LONRF2: variants seen among roughly 807,000 people sequenced by gnomAD.
LONRF2 encodes LON peptidase N-terminal domain and ring finger 2.
Under a neutral mutation model 66.6 loss-of-function variants are expected in LONRF2, and 35 were observed. That is an observed-to-expected ratio of 0.53 (90% CI 0.40 to 0.70). The LOEUF (loss-of-function observed/expected upper bound fraction) is 0.70. Ranked by LOEUF, LONRF2 falls within the 30% of genes least tolerant of loss-of-function variation. The probability of loss-of-function intolerance (pLI) is 0.00; values close to 1 mark genes in which losing one functional copy is unlikely to be tolerated. For missense variants in LONRF2, 902 were observed against 1,002.1 expected, an observed-to-expected ratio of 0.90 and a Z score of 1.35; for synonymous variants, 417 against 418.1, an observed-to-expected ratio of 1.00 and a Z score of 0.03.
chr2:100,314,160 T>G (rs1183149357), intron 1 of LONRF2, among the ~76,000 whole-genome samples: 1 of 152,150 alleles, frequency 6.6e-6, no homozygotes, highest in African/African-American at 2.4e-5. Context: ...TGTACGAGTT[T>G]AGCTCTAGCA....
Position 100,309,105 on chromosome 2 carries a change from A to G in LONRF2, c.798+2T>C, listed in dbSNP as rs1374552610. ...ATCTCCAAAGCTAACAAATACAAAT[A>G]CCTTAATCAAGAGAGGTTCATTCTG... On this transcript the variant is annotated splice_donor_variant, in intron 2 of 11. Transcript: ENST00000393437. LOFTEE classifies it high-confidence loss of function. 6.5e-7 allele frequency: 1 copy of G among 1,546,236 alleles called. No homozygotes were observed. Among genetic ancestry groups the G allele is most frequent in the South Asian group, 1.2e-5 (1 of 83,148 alleles).
intron 9 of LONRF2, among the ~76,000 whole-genome samples, chr2:100,292,550 T>C (rs1050688149): frequency 2.0e-5 from 3 of 152,260 alleles, no homozygotes; most frequent in Admixed American, 2.0e-4. Context: ...CTGTGGTTTA[T>C]CTGTTTTTTC....
In LONRF2 at chr2:100,322,405, TAGGTA is replaced by T. The variant is rs1330603426; in HGVS notation, c.-317_-313del. On this transcript the variant is annotated 5_prime_UTR_variant, in exon 1 of 12. Coordinates refer to ENST00000393437, the MANE Select transcript of LONRF2 (RefSeq NM_198461.4). The stretch of plus-strand genomic sequence containing the variant: ...CAGCGGCCTCTCAGTCCCGCCGGCT[TAGGTA>T]ACCCAGGTCGCTGCGGTAACGCAGT... 1 of 237,490 alleles carries T rather than the reference TAGGTA, an allele frequency of 4.2e-6. No homozygotes were observed. The highest frequency in any genetic ancestry group is 8.5e-5 in the East Asian group (1 of 11,794). 14.7% of individuals were successfully genotyped at this position (237,490 alleles called of 1,614,324 possible).
chr2:100,290,497 C>A (rs1674938018), intron 9 of LONRF2, 77 bp from the exon 10 acceptor site: 1 of 1,439,068 alleles, frequency 6.9e-7, no homozygotes. Flanking sequence ...TGAGAGTTTA[C>A]TTTTAAAAGG....
In LONRF2 at chr2:100,283,188, C is replaced by T. The variant is rs1674775021; in HGVS notation, c.*1110G>A. ...TACTACTGTCCTTTAACAGATAACA[C>T]CTGGTCTGATCACCGTAAAACTTTC... On this transcript the variant is annotated 3_prime_UTR_variant, in exon 12 of 12. Coordinates refer to ENST00000393437, the MANE Select transcript of LONRF2 (RefSeq NM_198461.4). The T allele has an allele frequency of 6.6e-6, 1 of 152,112 alleles. No individual in the cohort carries two copies. The highest frequency in any genetic ancestry group is 1.5e-5 in the Non-Finnish European group (1 of 68,024). The allele number at this position is 152,112 out of a possible 1,614,324, so 9.4% of individuals were successfully genotyped here. A position where few individuals can be genotyped will look rare whatever the true frequency, so the allele number is the denominator to read the frequency against.
chr2:100,299,079 T>A, intron 6 of LONRF2, 129 bp from the exon 7 acceptor site: 1 of 866,260 alleles, frequency 1.2e-6, no homozygotes, highest in Non-Finnish European at 1.8e-6. Context: ...ACTTTCATTT[T>A]ATATCTTATT....
Position 100,321,586 on chromosome 2 carries a change from C to A in LONRF2, c.508G>T (p.Gly170Trp). Residue 170 changes from glycine (G) to tryptophan (W), a missense_variant, in exon 1 of 12, where the codon GGG becomes TGG. Physicochemically the swap from Gly to Trp is radical, Grantham distance 184 (BLOSUM62 -2). Coordinates refer to ENST00000393437, the MANE Select transcript of LONRF2 (RefSeq NM_198461.4). ...CGCCGCACCTGCGGCCGCGCGGGCC[C>A]TGGCTCCACGCAGCGCTTGCAGACT... ...LTVCKRCVEP[G>W]PARPQVRRVN... 1 of 1,529,074 alleles carries A rather than the reference C, an allele frequency of 6.5e-7. No individual in the cohort carries two copies. The highest frequency in any genetic ancestry group is 8.7e-7 in the Non-Finnish European group (1 of 1,150,458). The allele number at this position is 1,529,074 out of a possible 1,614,324, so 94.7% of individuals were successfully genotyped here. A position where few individuals can be genotyped will look rare whatever the true frequency, so the allele number is the denominator to read the frequency against.
At chr2:100,309,045 G>GCT in intron 2 of LONRF2, 62 bp downstream of exon 2, 1 of 1,144,442 alleles carries the variant, frequency 8.7e-7, no homozygotes, top group South Asian at 1.6e-5. Context: ...TCTTACTTTT[G>GCT]TTTTTAAGAA....
rs529054138 is a variant in LONRF2 at position 100,283,972 on chromosome 2, C to T, written c.*326G>A. The T allele has an allele frequency of 5.8e-5, 11 of 188,752 alleles. No individual in the cohort carries two copies. Among genetic ancestry groups the T allele is most frequent in the East Asian group, 2.5e-4 (2 of 8,012 alleles). The allele number at this position is 188,752 out of a possible 1,614,324, so 11.7% of individuals were successfully genotyped here. A position where few individuals can be genotyped will look rare whatever the true frequency, so the allele number is the denominator to read the frequency against. ...GACTGGGAAGTGAATCCTTCTTTCT[C>T]GTGAAACCCAAACCACATGTAAACC... On this transcript the variant is annotated 3_prime_UTR_variant, in exon 12 of 12. Coordinates refer to ENST00000393437, the MANE Select transcript of LONRF2 (RefSeq NM_198461.4).
intron 11 of LONRF2, 90 bp from the exon 12 acceptor site, chr2:100,284,582 G>T: frequency 1.8e-6 from 2 of 1,096,750 alleles, no homozygotes; most frequent in East Asian, 2.9e-5. Flanking sequence ...ACAGACACGT[G>T]AGCAAGAATT....
At chr2:100,296,524 C>A (rs7571711) in intron 7 of LONRF2, among the ~76,000 whole-genome samples, 2 of 152,206 alleles carry the variant, frequency 1.3e-5, no homozygotes, top group East Asian at 1.9e-4. Flanking sequence ...GATGGCTCCA[C>A]GTATTTCCAA....
At position 100,290,361 on chromosome 2, in the gene LONRF2, C is replaced by T. The variant is rs1327564434; in HGVS notation, c.1817G>A (p.Ser606Asn). Reference sequence around the variant, plus strand: ...GATGCCAATCGCGTCTACAACAGAACTTCCATCAGGAAACGTTCTCACGTC... The same window carrying T: ...GATGCCAATCGCGTCTACAACAGAATTTCCATCAGGAAACGTTCTCACGTC... ...IKDVRTFPDGSSVVDAIGISR... is the reference protein window; with the variant it reads ...IKDVRTFPDGNSVVDAIGISR... Residue 606 changes from serine to asparagine, a missense_variant, in exon 10 of 12, where the codon AGT (serine) becomes AAT (asparagine). This residue lies in a region of LONRF2 where 317 missense variants were observed against 432.2 expected (regional missense o/e 0.73). Transcript: ENST00000393437. 1.2e-6 allele frequency: 2 copies of T among 1,614,204 alleles called. No individual in the cohort carries two copies. Among genetic ancestry groups the T allele is most frequent in the Non-Finnish European group, 1.7e-6 (2 of 1,180,032 alleles).
intron 7 of LONRF2, among the ~76,000 whole-genome samples, chr2:100,296,058 C>CT (rs938759341): frequency 6.6e-6 from 1 of 151,942 alleles, no homozygotes; most frequent in African/African-American, 2.4e-5. Context: ...CAAAGGTTGA[C>CT]TTTTTTTGGA....
Position 100,321,467 on chromosome 2 carries a change from G to T in LONRF2, c.627C>A (p.Arg209=), listed in dbSNP as rs1424395464. 2.0e-6 allele frequency: 3 copies of T among 1,506,714 alleles called. No individual in the cohort carries two copies. The highest frequency in any genetic ancestry group is 5.5e-5 in the East Asian group (2 of 36,132). The allele number at this position is 1,506,714 out of a possible 1,614,324, so 93.3% of individuals were successfully genotyped here. A position where few individuals can be genotyped will look rare whatever the true frequency, so the allele number is the denominator to read the frequency against. The change falls in exon 1 of 12, where the codon CGC becomes CGA. Residue 209 remains arginine, a synonymous_variant. Transcript: ENST00000393437. ...RLAGQARSLQ[R]QQQPEAALLR... is the part of the protein sequence containing the mutation. ...GCAGCGCGGCCTCCGGCTGCTGCTGGCGCTGCAGGCTCCGCGCCTGGCCTG... is the reference window on the plus strand; with the variant it reads ...GCAGCGCGGCCTCCGGCTGCTGCTGTCGCTGCAGGCTCCGCGCCTGGCCTG...
In LONRF2 at chr2:100,275,403, C is replaced by T. The variant is rs1573102271; in HGVS notation, c.*8895G>A. 1 of 152,412 alleles carries T rather than the reference C, an allele frequency of 6.6e-6. No individual in the cohort carries two copies. The highest frequency in any genetic ancestry group is 1.5e-5 in the Non-Finnish European group (1 of 68,100). The allele number at this position is 152,412 out of a possible 1,614,324, so 9.4% of individuals were successfully genotyped here. On this transcript the variant is annotated 3_prime_UTR_variant, in exon 12 of 12. Transcript: ENST00000393437. The stretch of plus-strand genomic sequence containing the variant: ...CAACGCTGAAGTCAGTGGTGGGCTG[C>T]TCACCTGAGGGGCCCTCCCCCAGCA...
chr2:100,314,595 A>C (rs1409662850), intron 1 of LONRF2, among the ~76,000 whole-genome samples: 1 of 152,064 alleles, frequency 6.6e-6, no homozygotes, highest in Non-Finnish European at 1.5e-5. Flanking sequence ...CAGAAGTTTT[A>C]TTGTTATGCT....
At position 100,281,373 on chromosome 2, in the gene LONRF2, T is replaced by C. The variant is rs1427248054; in HGVS notation, c.*2925A>G. On this transcript the variant is annotated 3_prime_UTR_variant, in exon 12 of 12. Coordinates refer to ENST00000393437, the MANE Select transcript of LONRF2 (RefSeq NM_198461.4). ...TGACCCTAAAAATGAGATAATACTG[T>C]TGAATTTGGTACATGAATTGGTTAA... The C allele has an allele frequency of 2.0e-5, 3 of 152,178 alleles. No homozygotes were observed. Among genetic ancestry groups the C allele is most frequent in the Admixed American group, 2.0e-4 (3 of 15,278 alleles). The allele number at this position is 152,178 out of a possible 1,614,324, so 9.4% of individuals were successfully genotyped here.
Position 100,304,505 on chromosome 2 carries a change from A to C in LONRF2, c.799-1462T>G, listed in dbSNP as rs545034075. 2.0e-5 allele frequency among the ~76,000 whole-genome samples: 3 copies of C among 151,718 alleles called. No individual in the cohort carries two copies. In the East Asian group the frequency reaches 5.8e-4, roughly 29 times the overall value. On this transcript the variant is annotated intron_variant, in intron 2 of 11. Coordinates refer to ENST00000393437, the MANE Select transcript of LONRF2 (RefSeq NM_198461.4). ...ATTGCTCTTAAGTCAAAGGTACCAT[A>C]TTGTCCTTCAATTCTTTGCATGCAA...
rs1675657959 is a variant in LONRF2 at position 100,322,325 on chromosome 2, C to T, written c.-232G>A. On this transcript the variant is annotated 5_prime_UTR_variant, in exon 1 of 12. Coordinates refer to ENST00000393437, the MANE Select transcript of LONRF2 (RefSeq NM_198461.4). ...GAGCCCCGCAGGGCTGCAATCGTTC[C>T]GGGGTGGGGGCCGGGACAGGCACCG... The T allele has an allele frequency of 5.9e-6, 2 of 336,424 alleles. No individual in the cohort carries two copies. The highest frequency in any genetic ancestry group is 8.3e-4 in the Middle Eastern group (1 of 1,200). 20.8% of individuals were successfully genotyped at this position (336,424 alleles called of 1,614,324 possible).
Sources: allele counts gnomAD v4.1 joint callset (sites outside exome capture counted in the v4.1 genomes callset), GRCh38; gene constraint gnomAD v4.1.1; regional missense constraint gnomAD v4.1.1; transcripts MANE v1.5; gene names NCBI Gene and HGNC (gene_info 2026-07-23, HGNC 2026-07-21).